Variants in XPR1 observed in about 807,000 individuals in gnomAD.
The protein encoded by XPR1 is solute carrier family 53 member 1.
Under a neutral mutation model 87.5 loss-of-function variants are expected in XPR1, and 28 were observed. That is an observed-to-expected ratio of 0.32 (90% CI 0.24 to 0.44). The LOEUF (loss-of-function observed/expected upper bound fraction) is 0.44. Ranked by LOEUF, XPR1 falls within the 20% of genes least tolerant of loss-of-function variation. The pLI, the probability that XPR1 is intolerant of heterozygous loss-of-function variation, is 1.00. For missense variants in XPR1, 559 were observed against 862.3 expected (o/e 0.65, Z 4.41); for synonymous variants, 300 against 306.1 (o/e 0.98, Z 0.21).
chr1:180,728,566 T>C (rs755251334), intron 2 of XPR1, among the ~76,000 whole-genome samples: 20 of 152,226 alleles, frequency 1.3e-4, no homozygotes, highest in Non-Finnish European at 2.4e-4. Flanking sequence ...AGATTCTGTA[T>C]TTCAAATAAG....
At chr1:180,829,381 G>A (rs1463097228) in intron 9 of XPR1, among the ~76,000 whole-genome samples, 1 of 152,108 alleles carries the variant, frequency 6.6e-6, no homozygotes, top group African/African-American at 2.4e-5. Flanking sequence ...AAGTTGAAAG[G>A]CCTTATCCAG....
chr1:180,758,291 A>G (rs138192482), intron 2 of XPR1, among the ~76,000 whole-genome samples: 1 of 152,200 alleles, frequency 6.6e-6, no homozygotes, highest in Non-Finnish European at 1.5e-5. Flanking sequence ...GAGCTAAAAA[A>G]ATAGATCTTA....
chr1:180,837,220 T>G (rs1558033002), intron 11 of XPR1, among the ~76,000 whole-genome samples: 2 of 152,226 alleles, frequency 1.3e-5, no homozygotes, highest in Non-Finnish European at 2.9e-5. Flanking sequence ...GCTCTTCTGT[T>G]GAGAAGAGAA....
intron 2 of XPR1, among the ~76,000 whole-genome samples, chr1:180,741,601 C>G (rs1158482616): frequency 6.6e-6 from 1 of 152,090 alleles, no homozygotes; most frequent in Non-Finnish European, 1.5e-5. Context: ...TTCTCCTGCC[C>G]TCAGCCTCCT....
At chr1:180,875,508 CAAA>C (rs1167673409) in intron 13 of XPR1, among the ~76,000 whole-genome samples, 4 of 63,050 alleles carry the variant, frequency 6.3e-5, no homozygotes, top group Admixed American at 1.8e-4. Flanking sequence ...GACTCCGTCT[CAAA>C]AAAAAAAAAA....
intron 2 of XPR1, among the ~76,000 whole-genome samples, chr1:180,695,158 C>T (rs1260398461): frequency 6.6e-6 from 1 of 152,036 alleles, no homozygotes; most frequent in Non-Finnish European, 1.5e-5. Context: ...ATATTGAGCA[C>T]TTTTTTCATA....
intron 11 of XPR1, among the ~76,000 whole-genome samples, chr1:180,837,458 T>C (rs1651335511): frequency 6.6e-6 from 1 of 151,458 alleles, no homozygotes; most frequent in African/African-American, 2.5e-5. Context: ...TTTGCAAAAT[T>C]TTTTTTCAGT....
At chr1:180,811,915 A>G (rs951344415) in intron 7 of XPR1, among the ~76,000 whole-genome samples, 2 of 152,186 alleles carry the variant, frequency 1.3e-5, no homozygotes, top group African/African-American at 4.8e-5. Flanking sequence ...TACTTTGCAT[A>G]TAGTGTTAAG....
chr1:180,689,985 G>A (rs563118721), intron 2 of XPR1, among the ~76,000 whole-genome samples: 4 of 151,816 alleles, frequency 2.6e-5, no homozygotes, highest in East Asian at 1.9e-4. Flanking sequence ...GTGAAATCAC[G>A]TCTCTACTAA....
chr1:180,636,345 T>C (rs1443134294), intron 1 of XPR1, among the ~76,000 whole-genome samples: 2 of 152,212 alleles, frequency 1.3e-5, no homozygotes, highest in East Asian at 3.8e-4. Flanking sequence ...AAGTATAGTA[T>C]AGTGTGTTTA....
Position 180,887,974 on chromosome 1 carries a change from T to C in XPR1, c.*3908T>C, listed in dbSNP as rs1407642381. ...CAGGTATCAGATTAACAGACATTCA[T>C]TGAAGATAAGTGAAATAACTTTGGA... On this transcript the variant is annotated 3_prime_UTR_variant, in exon 15 of 15. Coordinates refer to ENST00000367590, the MANE Select transcript of XPR1 (RefSeq NM_004736.4). 6.6e-6 allele frequency: 1 copy of C among 152,188 alleles called. No homozygotes were observed. The highest frequency in any genetic ancestry group is 2.4e-5 in the African/African-American group (1 of 41,438). The allele number at this position is 152,188 out of a possible 1,614,324, so 9.4% of individuals were successfully genotyped here.
intron 11 of XPR1, among the ~76,000 whole-genome samples, chr1:180,843,361 A>T (rs1223298399): frequency 6.6e-6 from 1 of 152,142 alleles, no homozygotes; most frequent in Non-Finnish European, 1.5e-5. Flanking sequence ...CTATTAAAGT[A>T]GCTCAAATTT....
intron 2 of XPR1, among the ~76,000 whole-genome samples, chr1:180,690,831 A>G (rs1656964925): frequency 6.6e-6 from 1 of 151,426 alleles, no homozygotes. Context: ...GAGTAGGAAT[A>G]AAAGTGAATC....
intron 2 of XPR1, among the ~76,000 whole-genome samples, chr1:180,723,780 A>G (rs1325133418): frequency 3.9e-5 from 6 of 152,114 alleles, no homozygotes; most frequent in Non-Finnish European, 8.8e-5. Context: ...TGAATTAACA[A>G]TTCATTCTAG....
chr1:180,794,145 C>T (rs889719930), intron 3 of XPR1, among the ~76,000 whole-genome samples: 1 of 152,186 alleles, frequency 6.6e-6, no homozygotes, highest in Non-Finnish European at 1.5e-5. Flanking sequence ...TGTGTACTTA[C>T]ACAAACCTAG....
At chr1:180,821,151 A>G (rs1219912699) in intron 7 of XPR1, among the ~76,000 whole-genome samples, 1 of 152,034 alleles carries the variant, frequency 6.6e-6, no homozygotes, top group African/African-American at 2.4e-5. Flanking sequence ...AAGATTTATC[A>G]TTATGTTTTC....
intron 1 of XPR1, among the ~76,000 whole-genome samples, chr1:180,679,767 G>C (rs572510307): frequency 2.6e-5 from 4 of 152,258 alleles, no homozygotes; most frequent in East Asian, 1.9e-4. Flanking sequence ...TGTCTTTATA[G>C]TCCTAAACCC....
rs140954247 is a variant in XPR1 at position 180,686,751 on chromosome 1, A to G, written c.121+4340A>G. Among the ~76,000 whole-genome samples, 592 of 152,312 alleles carry G rather than the reference A, an allele frequency of 3.9e-3. 7 individuals are homozygous for G. The highest frequency in any genetic ancestry group is 0.014 in the African/African-American group (574 of 41,556). On this transcript the variant is annotated intron_variant, in intron 2 of 14. Coordinates refer to ENST00000367590, the MANE Select transcript of XPR1 (RefSeq NM_004736.4). ...TATGAAGTTATTCTAGTGACAAGCT[A>G]TTAGAGACTTGTTCTTATGACAAAA...
intron 2 of XPR1, among the ~76,000 whole-genome samples, chr1:180,717,883 G>T (rs1658051512): frequency 1.3e-5 from 2 of 152,084 alleles, no homozygotes; most frequent in East Asian, 3.9e-4. Context: ...TGTGTTTTTT[G>T]TCATTGAAAG....
Sources: gnomAD v4.1 joint callset for allele counts (sites outside exome capture counted in the v4.1 genomes callset) on GRCh38, gnomAD v4.1.1 for gene constraint, MANE v1.5 for transcripts, NCBI Gene and HGNC (gene_info 2026-07-23, HGNC 2026-07-21) for gene names.